XRCC4: variants seen among roughly 807,000 people sequenced by gnomAD.
XRCC4 encodes DNA repair protein XRCC4.
A neutral mutation model predicts 39.1 loss-of-function variants in XRCC4; 28 were observed. The observed-to-expected ratio is 0.72, with a 90% CI of 0.53 to 0.98. XRCC4 has a LOEUF of 0.98. Among genes scored for constraint, XRCC4 ranks in the 50% least tolerant of loss-of-function variants. The pLI is 0.00. For missense variants in XRCC4, 350 were observed against 376.4 expected, an observed-to-expected ratio of 0.93 and a Z score of 0.58; for synonymous variants, 123 against 126.4, an observed-to-expected ratio of 0.97 and a Z score of 0.18.
the XRCC4 span, among the ~76,000 whole-genome samples, chr5:83,360,084 C>T: frequency 3.7e-4 from 57 of 152,214 alleles, 1 homozygote; most frequent in South Asian, 7.7e-3. Flanking sequence ...TAGAATAATA[C>T]GTATATTAAT....
chr5:83,244,392 C>G (rs999890547), intron 6 of XRCC4, among the ~76,000 whole-genome samples: 1 of 152,064 alleles, frequency 6.6e-6, no homozygotes, highest in Non-Finnish European at 1.5e-5. Flanking sequence ...GGGTCTAGAC[C>G]TTTTAGGGGT....
At chr5:83,102,800 C>A (rs548544505) in intron 1 of XRCC4, among the ~76,000 whole-genome samples, 2 of 151,976 alleles carry the variant, frequency 1.3e-5, no homozygotes, top group Non-Finnish European at 2.9e-5. Context: ...CTTTAGAAGT[C>A]TGGTTTTTCT....
At chr5:83,106,189 G>A (rs1746189635) in intron 2 of XRCC4, among the ~76,000 whole-genome samples, 2 of 152,054 alleles carry the variant, frequency 1.3e-5, no homozygotes, top group African/African-American at 4.8e-5. Context: ...TGTCAGCTTG[G>A]TTTTATGTAT....
intron 7 of XRCC4, among the ~76,000 whole-genome samples, chr5:83,324,168 C>G (rs532684519): frequency 1.6e-4 from 24 of 152,172 alleles, no homozygotes; most frequent in Middle Eastern, 3.4e-3. Flanking sequence ...TTCTTGGTAG[C>G]CTTGCCTGTT....
chr5:83,351,453 A>C (rs541135059), intron 7 of XRCC4, among the ~76,000 whole-genome samples: 3 of 152,228 alleles, frequency 2.0e-5, no homozygotes, highest in African/African-American at 7.2e-5. Context: ...GTCTAGGAGG[A>C]GCACAAGCAA....
intron 3 of XRCC4, among the ~76,000 whole-genome samples, chr5:83,193,378 A>G (rs1750797371): frequency 6.6e-6 from 1 of 152,322 alleles, no homozygotes; most frequent in African/African-American, 2.4e-5. Flanking sequence ...AGATGTCCTT[A>G]TCTATTGAAG....
chr5:83,209,827 A>G (rs940830854), intron 6 of XRCC4, among the ~76,000 whole-genome samples: 3 of 152,156 alleles, frequency 2.0e-5, no homozygotes, highest in Non-Finnish European at 2.9e-5. Flanking sequence ...CACTCTTTTT[A>G]GCTGCATATT....
At chr5:83,223,735 G>C (rs541251342) in intron 6 of XRCC4, among the ~76,000 whole-genome samples, 1 of 151,862 alleles carries the variant, frequency 6.6e-6, no homozygotes, top group South Asian at 2.1e-4. Flanking sequence ...ACAACGTACA[G>C]GTTTGTTACA....
At chr5:83,285,318 C>T (rs1437781555) in intron 7 of XRCC4, among the ~76,000 whole-genome samples, 1 of 151,952 alleles carries the variant, frequency 6.6e-6, no homozygotes, top group Non-Finnish European at 1.5e-5. Context: ...AGGGGTGTTT[C>T]AAAGGGGGTT....
At chr5:83,232,752 C>CA (rs1320677046) in intron 6 of XRCC4, among the ~76,000 whole-genome samples, 1 of 151,620 alleles carries the variant, frequency 6.6e-6, no homozygotes, top group Admixed American at 6.6e-5. Context: ...AATTTCTGGT[C>CA]AAAAAAAATA....
chr5:83,280,971 A>G (rs1411691796), intron 7 of XRCC4, among the ~76,000 whole-genome samples: 1 of 152,204 alleles, frequency 6.6e-6, no homozygotes, highest in Admixed American at 6.5e-5. Context: ...TACCTACGCT[A>G]CATGATAGCT....
intron 3 of XRCC4, among the ~76,000 whole-genome samples, chr5:83,117,898 C>T (rs1237334705): frequency 6.6e-6 from 1 of 151,952 alleles, no homozygotes; most frequent in Non-Finnish European, 1.5e-5. Flanking sequence ...CTCCCCTTGC[C>T]TGGACCCCCT....
chr5:83,296,013 G>A (rs1755082759), intron 7 of XRCC4, among the ~76,000 whole-genome samples: 1 of 152,076 alleles, frequency 6.6e-6, no homozygotes. Context: ...AAGGGATACT[G>A]TGTTAATAGA....
At chr5:83,087,712 G>A (rs1274562919) in intron 1 of XRCC4, among the ~76,000 whole-genome samples, 1 of 151,864 alleles carries the variant, frequency 6.6e-6, no homozygotes, top group Admixed American at 6.6e-5. Flanking sequence ...CATTGTTTCA[G>A]CAAGCAAGAT....
intron 3 of XRCC4, among the ~76,000 whole-genome samples, chr5:83,154,985 A>G (rs1164216316): frequency 1.3e-5 from 2 of 150,830 alleles, no homozygotes; most frequent in African/African-American, 4.9e-5. Context: ...TTTTCTATTC[A>G]GTGTTCTTGC....
chr5:83,236,129 A>C (rs1175999331), intron 6 of XRCC4, among the ~76,000 whole-genome samples: 1 of 152,184 alleles, frequency 6.6e-6, no homozygotes, highest in Admixed American at 6.5e-5. Context: ...ATATTGTTAA[A>C]ATGGCCATAG....
chr5:83,198,955 C>G (rs567821336), intron 4 of XRCC4, among the ~76,000 whole-genome samples: 8 of 152,080 alleles, frequency 5.3e-5, no homozygotes, highest in Admixed American at 2.6e-4. Flanking sequence ...AATAAAAACT[C>G]TCAAGTTCCA....
chr5:83,134,944 A>G (rs1291042944), intron 3 of XRCC4, among the ~76,000 whole-genome samples: 1 of 152,146 alleles, frequency 6.6e-6, no homozygotes, highest in East Asian at 1.9e-4. Flanking sequence ...ATTGACCACG[A>G]ACCCACCAGA....
At chr5:83,245,864 T>C (rs1753081790) in intron 6 of XRCC4, among the ~76,000 whole-genome samples, 1 of 146,876 alleles carries the variant, frequency 6.8e-6, no homozygotes, top group Admixed American at 6.8e-5. Context: ...TTAATACCTC[T>C]CTCTTAATCT....
Sources: gnomAD v4.1 joint callset for allele counts (sites outside exome capture counted in the v4.1 genomes callset) on GRCh38, gnomAD v4.1.1 for gene constraint, MANE v1.5 for transcripts, NCBI Gene and HGNC (gene_info 2026-07-23, HGNC 2026-07-21) for gene names.